UBTD2: variants seen among roughly 807,000 people sequenced by gnomAD.
The protein encoded by UBTD2 is ubiquitin domain containing 2.
In UBTD2, 9 loss-of-function variants were observed where a neutral mutation model predicts 19.8. The ratio of observed to expected loss-of-function variants is 0.46; its 90% CI spans 0.27 to 0.79. The LOEUF (loss-of-function observed/expected upper bound fraction) is 0.79. UBTD2 is among the 30% of genes least tolerant of loss of function. The pLI is 0.14. For synonymous variants in UBTD2, 98 were observed against 103.9 expected (o/e 0.94, Z 0.35); for missense variants, 250 against 300.4 (o/e 0.83, Z 1.24).
chr5:172,242,464 C>G, intron 1 of UBTD2: 5 of 981,372 alleles, frequency 5.1e-6, no homozygotes, highest in Non-Finnish European at 6.1e-6. Flanking sequence ...ACAGTTTTGC[C>G]CTCCAGGGGA....
intron 2 of UBTD2, among the ~76,000 whole-genome samples, chr5:172,222,135 A>G (rs963839642): frequency 1.3e-5 from 2 of 152,242 alleles, no homozygotes; most frequent in African/African-American, 4.8e-5. Context: ...CAAAATATCA[A>G]TAAAAGTAAT....
At chr5:172,259,327 G>A (rs912804762) in intron 1 of UBTD2, among the ~76,000 whole-genome samples, 1 of 152,010 alleles carries the variant, frequency 6.6e-6, no homozygotes, top group Non-Finnish European at 1.5e-5. Flanking sequence ...ATTTTTGGTA[G>A]AGACAGGGTT....
intron 1 of UBTD2, among the ~76,000 whole-genome samples, chr5:172,251,131 G>A (rs1007272395): frequency 4.6e-5 from 7 of 151,104 alleles, no homozygotes; most frequent in Non-Finnish European, 7.4e-5. Context: ...TGGCTAACAC[G>A]GTGAAACCCG....
chr5:172,275,189 T>A (rs1258840537), intron 1 of UBTD2, among the ~76,000 whole-genome samples: 2 of 152,102 alleles, frequency 1.3e-5, no homozygotes, highest in Admixed American at 6.5e-5. Context: ...GAGGAAGAAG[T>A]GCCGAGCAAA....
At chr5:172,220,729 C>T (rs916043003) in intron 2 of UBTD2, among the ~76,000 whole-genome samples, 3 of 152,224 alleles carry the variant, frequency 2.0e-5, no homozygotes, top group African/African-American at 4.8e-5. Flanking sequence ...GATGTCCCCT[C>T]TCATCACCAC....
intron 1 of UBTD2, among the ~76,000 whole-genome samples, chr5:172,251,755 G>C (rs180695157): frequency 2.6e-5 from 4 of 152,284 alleles, no homozygotes; most frequent in African/African-American, 9.6e-5. Context: ...TGTCTTACAA[G>C]AAATGCTAAA....
At chr5:172,251,462 G>A (rs564691166) in intron 1 of UBTD2, among the ~76,000 whole-genome samples, 61 of 85,200 alleles carry the variant, frequency 7.2e-4, no homozygotes, top group Admixed American at 1.7e-3. Context: ...TAATCAAACT[G>A]TCCAAAAAAA....
chr5:172,229,925 A>C (rs941912063), intron 2 of UBTD2, among the ~76,000 whole-genome samples: 1 of 152,216 alleles, frequency 6.6e-6, no homozygotes, highest in East Asian at 1.9e-4. Flanking sequence ...GAATATTTTT[A>C]GGATTTGTAG....
chr5:172,254,881 G>T, intron 1 of UBTD2: 1 of 498,892 alleles, frequency 2.0e-6, no homozygotes, highest in Non-Finnish European at 3.8e-6. Flanking sequence ...TGCTACTACT[G>T]GAATTTTTCA....
chr5:172,282,717 T>G (rs562323204), intron 1 of UBTD2, among the ~76,000 whole-genome samples: 1 of 152,164 alleles, frequency 6.6e-6, no homozygotes, highest in Admixed American at 6.5e-5. Flanking sequence ...TAAATAAAGA[T>G]AGAACTAATT....
chr5:172,280,600 T>C (rs1054957255), intron 1 of UBTD2, among the ~76,000 whole-genome samples: 23 of 151,074 alleles, frequency 1.5e-4, no homozygotes, highest in Admixed American at 1.5e-3. Context: ...TGCAGTAATC[T>C]ATGATCATGC....
At chr5:172,265,459 C>T (rs768781555) in intron 1 of UBTD2, among the ~76,000 whole-genome samples, 5 of 152,124 alleles carry the variant, frequency 3.3e-5, no homozygotes, top group Non-Finnish European at 4.4e-5. Context: ...CTCAGCCTCC[C>T]GAGTAGCTGG....
intron 1 of UBTD2, among the ~76,000 whole-genome samples, chr5:172,281,016 G>A (rs1047560642): frequency 1.3e-5 from 2 of 152,116 alleles, no homozygotes; most frequent in Admixed American, 6.6e-5. Context: ...TTTAGAAAGG[G>A]TCAAGCTATT....
chr5:172,211,670 C>T lies in UBTD2; in HGVS notation c.*160G>A. ...TGTGTTTTATTATTTTTGTTGGTCT[C>T]CATCACAGATGGAATTTTTCACTGG... On this transcript the variant is annotated 3_prime_UTR_variant, in exon 3 of 3. Coordinates refer to ENST00000393792, the MANE Select transcript of UBTD2 (RefSeq NM_152277.3). 2.8e-6 allele frequency: 2 copies of T among 712,906 alleles called. No individual in the cohort carries two copies. Among genetic ancestry groups the T allele is most frequent in the South Asian group, 4.0e-5 (1 of 25,190 alleles). 44.2% of individuals were successfully genotyped at this position (712,906 alleles called of 1,614,324 possible). A position where few individuals can be genotyped will look rare whatever the true frequency, so the allele number is the denominator to read the frequency against.
At chr5:172,221,131 T>C (rs889734900) in intron 2 of UBTD2, among the ~76,000 whole-genome samples, 1 of 152,206 alleles carries the variant, frequency 6.6e-6, no homozygotes, top group Non-Finnish European at 1.5e-5. Context: ...TCCATGTTCA[T>C]GGATAGGAAG....
At chr5:172,268,571 AC>A (rs778840615) in intron 1 of UBTD2, among the ~76,000 whole-genome samples, 1 of 152,036 alleles carries the variant, frequency 6.6e-6, no homozygotes, top group African/African-American at 2.4e-5. Flanking sequence ...ACATGGTAAA[AC>A]CCCGTCTCCA....
chr5:172,282,577 A>T (rs887951037), intron 1 of UBTD2, among the ~76,000 whole-genome samples: 2 of 152,234 alleles, frequency 1.3e-5, no homozygotes, highest in African/African-American at 4.8e-5. Flanking sequence ...CAAACAATTT[A>T]AAAATTTACA....
intron 1 of UBTD2, among the ~76,000 whole-genome samples, chr5:172,277,488 C>G (rs1180079231): frequency 6.6e-6 from 1 of 152,076 alleles, no homozygotes; most frequent in Non-Finnish European, 1.5e-5. Context: ...GGGAGGATCA[C>G]TTAAGCCCGG....
chr5:172,260,410 A>G (rs570019912), intron 1 of UBTD2, among the ~76,000 whole-genome samples: 25 of 152,312 alleles, frequency 1.6e-4, no homozygotes, highest in African/African-American at 5.5e-4. Flanking sequence ...CCACTGAAGT[A>G]TAAGTTCTGT....
Sources: allele counts gnomAD v4.1 joint callset (sites outside exome capture counted in the v4.1 genomes callset), GRCh38; gene constraint gnomAD v4.1.1; transcripts MANE v1.5; gene names NCBI Gene and HGNC (gene_info 2026-07-23, HGNC 2026-07-21).